Variants in RGS13 observed in about 807,000 individuals in gnomAD.
RGS13 encodes the protein regulator of G protein signaling 13, also known as regulator of G-protein signalling 13.
RGS13 carries 14 observed loss-of-function variants against 19.9 expected under a neutral mutation model. The observed-to-expected ratio is 0.70, with a 90% CI of 0.46 to 1.10. The LOEUF is 1.10. Ranked by LOEUF, RGS13 falls within the 50% of genes least tolerant of loss-of-function variation. The pLI is 0.00. For synonymous variants in RGS13, 60 were observed against 56.8 expected, an observed-to-expected ratio of 1.06 and a Z score of -0.25; for missense variants, 205 against 187.1, an observed-to-expected ratio of 1.10 and a Z score of -0.56.
intron 3 of RGS13, among the ~76,000 whole-genome samples, chr1:192,639,298 C>T (rs1048819523): frequency 6.6e-6 from 1 of 151,952 alleles, no homozygotes; most frequent in African/African-American, 2.4e-5. Context: ...GCTGGGCTGT[C>T]CTCTTGTCCC....
chr1:192,648,052 G>A (rs1413051202), intron 5 of RGS13, 65 bp downstream of exon 5: 1 of 1,140,614 alleles, frequency 8.8e-7, no homozygotes, highest in Non-Finnish European at 1.3e-6. Flanking sequence ...GTAAAGGTGG[G>A]GGTGCCAGAT....
intron 5 of RGS13, among the ~76,000 whole-genome samples, chr1:192,651,445 C>T (rs4657832): frequency 0.15 from 22,317 of 151,768 alleles, 4,099 homozygotes; most frequent in African/African-American, 0.43. Context: ...AGGTCAATAC[C>T]GAAAGTTTGA....
intron 5 of RGS13, among the ~76,000 whole-genome samples, chr1:192,650,389 G>C (rs1158459787): frequency 6.6e-6 from 1 of 151,968 alleles, no homozygotes; most frequent in Admixed American, 6.6e-5. Flanking sequence ...GATCCAACCA[G>C]TAAGACAAAA....
At chr1:192,636,960 A>T (rs917047169) in intron 1 of RGS13, among the ~76,000 whole-genome samples, 2 of 151,992 alleles carry the variant, frequency 1.3e-5, no homozygotes, top group African/African-American at 4.8e-5. Context: ...AAATAAAGAA[A>T]CATATTTAAA....
At chr1:192,654,508 G>A (rs1227055868) in intron 5 of RGS13, among the ~76,000 whole-genome samples, 2 of 151,924 alleles carry the variant, frequency 1.3e-5, no homozygotes, top group East Asian at 3.9e-4. Context: ...TAAAACTGAA[G>A]CTTCACTGTA....
intron 1 of RGS13, among the ~76,000 whole-genome samples, chr1:192,636,669 ATTAT>A (rs1223280944): frequency 2.0e-5 from 3 of 151,998 alleles, no homozygotes; most frequent in Non-Finnish European, 4.4e-5. Flanking sequence ...ACATAGCTGA[ATTAT>A]TTGTTTCAAA....
intron 4 of RGS13, chr1:192,645,115 G>C (rs1663192629): frequency 6.6e-6 from 1 of 152,326 alleles, no homozygotes; most frequent in African/African-American, 2.4e-5. Context: ...TGCTGCAATG[G>C]TGGTCAGAGG....
intron 3 of RGS13, among the ~76,000 whole-genome samples, chr1:192,641,317 AAGG>A (rs1558049364): frequency 6.6e-6 from 1 of 150,874 alleles, no homozygotes; most frequent in Non-Finnish European, 1.5e-5. Context: ...AAAAGAAAGA[AAGG>A]AGGGAGGGAG....
intron 5 of RGS13, among the ~76,000 whole-genome samples, chr1:192,655,610 T>C (rs1033788794): frequency 1.2e-4 from 19 of 152,076 alleles, no homozygotes; most frequent in African/African-American, 4.6e-4. Flanking sequence ...TGGCCAATGC[T>C]GACATAAACA....
rs1348504489 is a variant in RGS13, at chr1:192,642,053, C to T, written c.-4-2278C>T. Among the ~76,000 whole-genome samples the T allele has an allele frequency of 2.0e-5, 3 of 152,130 alleles. No homozygotes were observed. In the East Asian group the frequency reaches 5.8e-4, roughly 29 times the overall value. ...ATGACACTCTGGCCACACTGCCATT[C>T]ATTCTACTCACAAACCCATTTCAAA... On this transcript the variant is annotated intron_variant, in intron 3 of 6. Transcript: ENST00000391995.
chr1:192,641,300 A>AAG (rs1404785860), intron 3 of RGS13, among the ~76,000 whole-genome samples: 2 of 138,626 alleles, frequency 1.4e-5, no homozygotes, highest in Admixed American at 7.5e-5. Context: ...GAAAGAAAGA[A>AAG]AGAAAGAAAA....
At position 192,653,123 on chromosome 1, in the gene RGS13, C is replaced by T. The variant is rs141377445; in HGVS notation, c.128-5078C>T. On this transcript the variant is annotated intron_variant, in intron 5 of 6. Transcript: ENST00000391995. ...ATACGTAAAAGAGAACAGAAGGTAA[C>T]GCAATAAAGGTAACAGAGATAGTGT... Among the ~76,000 whole-genome samples, 236 of 151,578 alleles carry T rather than the reference C, an allele frequency of 1.6e-3. 1 individual carries two copies. Among genetic ancestry groups the T allele is most frequent in the African/African-American group, 5.4e-3 (223 of 41,314 alleles).
chr1:192,647,345 A>C (rs1663240246), intron 4 of RGS13: 1 of 152,206 alleles, frequency 6.6e-6, no homozygotes, highest in Non-Finnish European at 1.5e-5. Context: ...CAGCTGGGCT[A>C]CATTTGAGTT....
intron 5 of RGS13, among the ~76,000 whole-genome samples, chr1:192,650,984 G>T (rs2102035231): frequency 6.6e-6 from 1 of 152,096 alleles, no homozygotes. Context: ...GGGGTAATTT[G>T]CATATAGATG....
chr1:192,658,651 G>GA lies in RGS13; in HGVS notation c.294+291dup, dbSNP rs1056742155. ...TCTTGATTTCTAGGAAACTTAAAAA[G>GA]AAAAAAAGGAGTCTGTGGCGAAAGC... On this transcript the variant is annotated intron_variant, in intron 6 of 6. Transcript: ENST00000391995. 7 of 287,886 alleles carry GA rather than the reference G, an allele frequency of 2.4e-5. No individual in the cohort carries two copies. The South Asian group carries it at 5.4e-4, about 22-fold the overall frequency. 17.8% of individuals were successfully genotyped at this position (287,886 alleles called of 1,614,324 possible). A position where few individuals can be genotyped will look rare whatever the true frequency, so the allele number is the denominator to read the frequency against.
chr1:192,659,527 CAACTCAAAAGTTTAAATAGAA>C lies in RGS13; in HGVS notation c.*8_*28del. The C allele has an allele frequency of 1.3e-6, 2 of 1,597,072 alleles. No homozygotes were observed. Among genetic ancestry groups the C allele is most frequent in the Non-Finnish European group, 1.7e-6 (2 of 1,171,970 alleles). On this transcript the variant is annotated 3_prime_UTR_variant, in exon 7 of 7. Coordinates refer to ENST00000391995, the MANE Select transcript of RGS13 (RefSeq NM_002927.5). Reference sequence around the variant, plus strand: ...GCAGTCCAACAACAGTTTCTGACTACAACTCAAAAGTTTAAATAGAAAACAGTATATTGAAAGTGGTGGGTT... The same window carrying C: ...GCAGTCCAACAACAGTTTCTGACTACAACAGTATATTGAAAGTGGTGGGTT...
intron 3 of RGS13, among the ~76,000 whole-genome samples, chr1:192,641,258 GA>G (rs1558049251): frequency 1.4e-5 from 1 of 70,064 alleles, no homozygotes; most frequent in Admixed American, 1.8e-4. Flanking sequence ...AGAAAGAAAA[GA>G]AAGAAAGAAA....
At chr1:192,643,103 C>A (rs1487066192) in intron 3 of RGS13, among the ~76,000 whole-genome samples, 2 of 152,094 alleles carry the variant, frequency 1.3e-5, no homozygotes, top group African/African-American at 4.8e-5. Flanking sequence ...TCAAGCAATC[C>A]TCCCCGCTTC....
intron 5 of RGS13, among the ~76,000 whole-genome samples, chr1:192,657,458 C>G (rs1484731968): frequency 6.6e-6 from 1 of 152,016 alleles, no homozygotes; most frequent in Non-Finnish European, 1.5e-5. Context: ...CTTGGCTTAT[C>G]CTTATCTAAG....
Sources: allele counts gnomAD v4.1 joint callset (sites outside exome capture counted in the v4.1 genomes callset), GRCh38; gene constraint gnomAD v4.1.1; transcripts MANE v1.5; gene names NCBI Gene and HGNC (gene_info 2026-07-23, HGNC 2026-07-21).